Variants in SGCZ observed in about 807,000 individuals in gnomAD.
The protein encoded by SGCZ is sarcoglycan zeta.
Under a neutral mutation model 41.3 loss-of-function variants are expected in SGCZ, and 40 were observed. That is an observed-to-expected ratio of 0.97 (90% CI 0.75 to 1.26). The LOEUF (loss-of-function observed/expected upper bound fraction) is 1.26, where lower values mean the gene tolerates loss of function less well. Among genes scored for constraint, SGCZ ranks in the 50% most tolerant of loss-of-function variants. The probability of loss-of-function intolerance (pLI) is 0.00; values close to 1 mark genes in which losing one functional copy is unlikely to be tolerated. For missense variants in SGCZ, 552 were observed against 369.8 expected (o/e 1.49, Z -4.04); for synonymous variants, 206 against 137.5 (o/e 1.50, Z -3.49).
At chr8:14,884,279 G>A (rs116654976) in intron 1 of SGCZ, among the ~76,000 whole-genome samples, 4 of 152,050 alleles carry the variant, frequency 2.6e-5, no homozygotes, top group Non-Finnish European at 5.9e-5. Context: ...CAAACCTGGC[G>A]TGTTTTTGAT....
At chr8:14,344,144 G>C (rs1382434869) in intron 2 of SGCZ, among the ~76,000 whole-genome samples, 1 of 152,092 alleles carries the variant, frequency 6.6e-6, no homozygotes, top group Non-Finnish European at 1.5e-5. Flanking sequence ...AAATCAATAA[G>C]ATGTTTCATT....
rs76325610 is a variant in SGCZ at position 14,849,949 on chromosome 8, G to C, written c.40-295023C>G. Among the ~76,000 whole-genome samples the C allele has an allele frequency of 9.1e-4, 139 of 152,178 alleles. 4 individuals are homozygous for C. In the East Asian group the frequency reaches 0.024, roughly 26 times the overall value. On this transcript the variant is annotated intron_variant, in intron 1 of 7. Transcript: ENST00000382080. The stretch of plus-strand genomic sequence containing the variant: ...TCTTCAAATCACCTTAATACAGAAA[G>C]TTAAACATAAATTTTGGTTTCTTTT...
chr8:15,113,051 A>T (rs902079101), intron 1 of SGCZ, among the ~76,000 whole-genome samples: 1 of 152,120 alleles, frequency 6.6e-6, no homozygotes, highest in Admixed American at 6.6e-5. Flanking sequence ...TCCACAAAAA[A>T]TACAAAAATT....
intron 1 of SGCZ, among the ~76,000 whole-genome samples, chr8:14,709,810 T>C (rs1326372960): frequency 4.6e-5 from 7 of 152,192 alleles, no homozygotes; most frequent in Non-Finnish European, 1.0e-4. Context: ...CTAACATTTA[T>C]TGATGCCTTA....
At position 14,355,818 on chromosome 8, in the gene SGCZ, A is replaced by G. The variant is rs539309481; in HGVS notation, c.235-31614T>C. On this transcript the variant is annotated intron_variant, in intron 2 of 7. Coordinates refer to ENST00000382080, the MANE Select transcript of SGCZ (RefSeq NM_139167.4). ...GCATATTAAATACAAGAATAAAAAA[A>G]CAGCAAATTCCCTGGTCTAGTGTCA... Among the ~76,000 whole-genome samples the G allele has an allele frequency of 8.8e-4, 134 of 152,246 alleles. 1 individual carries two copies. Among genetic ancestry groups the G allele is most frequent in the African/African-American group, 3.1e-3 (129 of 41,568 alleles).
intron 1 of SGCZ, among the ~76,000 whole-genome samples, chr8:14,975,796 T>C (rs1801450153): frequency 1.9e-5 from 2 of 107,174 alleles, no homozygotes; most frequent in African/African-American, 3.8e-5. Flanking sequence ...CTTTTATATA[T>C]ATATATATAT....
intron 1 of SGCZ, among the ~76,000 whole-genome samples, chr8:14,901,387 G>A (rs1053790377): frequency 6.6e-6 from 1 of 152,152 alleles, no homozygotes; most frequent in Non-Finnish European, 1.5e-5. Context: ...TCATTGGTCA[G>A]TTTGGACCTG....
intron 2 of SGCZ, among the ~76,000 whole-genome samples, chr8:14,379,657 A>T (rs1199040348): frequency 6.6e-6 from 1 of 152,140 alleles, no homozygotes; most frequent in Admixed American, 6.5e-5. Flanking sequence ...TAATAGGCAA[A>T]CACTATTATA....
chr8:15,098,532 C>A (rs894671221), intron 1 of SGCZ, among the ~76,000 whole-genome samples: 21 of 152,182 alleles, frequency 1.4e-4, no homozygotes, highest in African/African-American at 4.6e-4. Context: ...TTACAATATG[C>A]TAGTAAGTAT....
At chr8:14,740,496 A>G (rs1295892428) in intron 1 of SGCZ, among the ~76,000 whole-genome samples, 2 of 152,170 alleles carry the variant, frequency 1.3e-5, no homozygotes, top group Admixed American at 1.3e-4. Context: ...TGGCTCACAA[A>G]CACATTTGGT....
intron 2 of SGCZ, among the ~76,000 whole-genome samples, chr8:14,375,168 G>A (rs573322948): frequency 1.3e-5 from 2 of 152,234 alleles, no homozygotes; most frequent in Admixed American, 1.3e-4. Context: ...CATGGATTGT[G>A]ATAAGAAGTG....
At position 14,309,039 on chromosome 8, in the gene SGCZ, C is replaced by A. The variant is rs1801437916; in HGVS notation, c.336+15064G>T. ...TTTTACCAGAAAATGAAACCGGAAG[C>A]CTCCCCTACTCTTAATTCCCCAACT... On this transcript the variant is annotated intron_variant, in intron 3 of 7. Transcript: ENST00000382080. 53 of 1,276,410 alleles carry A rather than the reference C, an allele frequency of 4.2e-5. 1 individual carries two copies. The South Asian group carries it at 7.0e-4, about 17-fold the overall frequency. The allele number at this position is 1,276,410 out of a possible 1,614,324, so 79.1% of individuals were successfully genotyped here. A position where few individuals can be genotyped will look rare whatever the true frequency, so the allele number is the denominator to read the frequency against.
chr8:14,777,707 A>C (rs1455483608), intron 1 of SGCZ, among the ~76,000 whole-genome samples: 2 of 152,136 alleles, frequency 1.3e-5, no homozygotes, highest in Non-Finnish European at 2.9e-5. Flanking sequence ...TGGTTTAGAA[A>C]AAAAGTGTTA....
intron 4 of SGCZ, among the ~76,000 whole-genome samples, chr8:14,230,032 T>A (rs933453893): frequency 4.6e-5 from 7 of 152,136 alleles, no homozygotes; most frequent in African/African-American, 1.7e-4. Context: ...TCATTTACCT[T>A]CTTCATTTTA....
intron 1 of SGCZ, among the ~76,000 whole-genome samples, chr8:14,669,126 G>C (rs1808012245): frequency 6.6e-6 from 1 of 151,770 alleles, no homozygotes; most frequent in Non-Finnish European, 1.5e-5. Context: ...CTTGAGCTCA[G>C]GAGTCCAACA....
intron 1 of SGCZ, among the ~76,000 whole-genome samples, chr8:14,777,174 T>G (rs570944010): frequency 2.0e-5 from 3 of 152,202 alleles, no homozygotes; most frequent in Non-Finnish European, 4.4e-5. Context: ...TTATCTAAAG[T>G]TAATCCATCC....
At chr8:14,949,256 T>C (rs928181009) in intron 1 of SGCZ, among the ~76,000 whole-genome samples, 30 of 152,276 alleles carry the variant, frequency 2.0e-4, no homozygotes, top group African/African-American at 7.2e-4. Flanking sequence ...ATAAAATATT[T>C]TCGCCTTTCA....
intron 2 of SGCZ, among the ~76,000 whole-genome samples, chr8:14,357,344 T>C (rs1803336055): frequency 6.6e-6 from 1 of 152,180 alleles, no homozygotes; most frequent in African/African-American, 2.4e-5. Flanking sequence ...CTCATTTATA[T>C]CTTCAATTAA....
chr8:14,382,632 T>C (rs1262948705), intron 2 of SGCZ, among the ~76,000 whole-genome samples: 1 of 152,124 alleles, frequency 6.6e-6, no homozygotes, highest in Non-Finnish European at 1.5e-5. Flanking sequence ...AGATTGAGGG[T>C]TAAAGAAGAA....
Sources: allele counts gnomAD v4.1 joint callset (sites outside exome capture counted in the v4.1 genomes callset), GRCh38; gene constraint gnomAD v4.1.1; transcripts MANE v1.5; gene names NCBI Gene and HGNC (gene_info 2026-07-23, HGNC 2026-07-21).